Variants in PRIM1 observed in about 807,000 individuals in gnomAD.
The protein encoded by PRIM1 is DNA primase small subunit.
A neutral mutation model predicts 60.2 loss-of-function variants in PRIM1; 38 were observed. The observed-to-expected ratio is 0.63, with a 90% CI of 0.49 to 0.83. The LOEUF is 0.83. Among genes scored for constraint, PRIM1 ranks in the 40% least tolerant of loss-of-function variants. The pLI is 0.00. For missense variants in PRIM1, 388 were observed against 506.2 expected, an observed-to-expected ratio of 0.77 and a Z score of 2.24; for synonymous variants, 158 against 160.2, an observed-to-expected ratio of 0.99 and a Z score of 0.10.
At chr12:56,747,767 A>G (rs959421523) in intron 2 of PRIM1, among the ~76,000 whole-genome samples, 1 of 152,116 alleles carries the variant, frequency 6.6e-6, no homozygotes. Flanking sequence ...CTGAGAGGTT[A>G]ATTCCACCAT....
At chr12:56,732,751 A>T (rs1231780889) in intron 12 of PRIM1, among the ~76,000 whole-genome samples, 1 of 135,036 alleles carries the variant, frequency 7.4e-6, no homozygotes, top group Non-Finnish European at 1.6e-5. Context: ...AAGAATGAAC[A>T]ACCCTTGGCC....
chr12:56,739,414 T>C (rs988591315), intron 9 of PRIM1, 51 bp from the exon 10 acceptor site: 26 of 1,263,332 alleles, frequency 2.1e-5, no homozygotes, highest in Non-Finnish European at 2.6e-5. Context: ...TAAATCATTA[T>C]AGTCATCTCC....
Position 56,752,304 on chromosome 12 carries a change from G to C in PRIM1, c.-6C>G, listed in dbSNP as rs748274558. The C allele has an allele frequency of 1.3e-5, 20 of 1,561,724 alleles. No homozygotes were observed. Among genetic ancestry groups the C allele is most frequent in the Non-Finnish European group, 1.7e-5 (20 of 1,150,204 alleles). On this transcript the variant is annotated 5_prime_UTR_variant, in exon 1 of 13. Coordinates refer to ENST00000338193, the MANE Select transcript of PRIM1 (RefSeq NM_000946.3). The stretch of plus-strand genomic sequence containing the variant: ...GTGGGGTCAAACGTCTCCATTGAGC[G>C]CGGAACTCGCCACGGTAAGGATTAC...
intron 11 of PRIM1, among the ~76,000 whole-genome samples, chr12:56,735,931 A>G (rs1433983426): frequency 6.6e-6 from 1 of 152,020 alleles, no homozygotes; most frequent in Non-Finnish European, 1.5e-5. Flanking sequence ...GCCTACAGGC[A>G]TCAGCCACTA....
intron 11 of PRIM1, 109 bp downstream of exon 11, chr12:56,738,325 C>A (rs930965641): frequency 3.5e-6 from 5 of 1,415,272 alleles, no homozygotes; most frequent in Non-Finnish European, 4.7e-6. Flanking sequence ...AGTTCCAGGA[C>A]AAATGCTGAT....
chr12:56,731,773 G>A, intron 12 of PRIM1, 39 bp from the exon 13 acceptor site: 2 of 1,431,598 alleles, frequency 1.4e-6, no homozygotes, highest in Non-Finnish European at 1.9e-6. Context: ...AACAGCAAAG[G>A]AAACAAAACA....
chr12:56,742,500 C>G (rs899807255), intron 7 of PRIM1, among the ~76,000 whole-genome samples: 1 of 151,632 alleles, frequency 6.6e-6, no homozygotes, highest in African/African-American at 2.4e-5. Flanking sequence ...ACCCGGGAGG[C>G]GGAGGTTGCA....
chr12:56,731,917 G>A (rs1953787876), intron 12 of PRIM1, among the ~76,000 whole-genome samples, 183 bp from the exon 13 acceptor site: 1 of 152,182 alleles, frequency 6.6e-6, no homozygotes, highest in South Asian at 2.1e-4. Context: ...GGATACAAAG[G>A]ACTTAATACG....
At chr12:56,749,101 C>T (rs570876052) in intron 2 of PRIM1, among the ~76,000 whole-genome samples, 2 of 152,206 alleles carry the variant, frequency 1.3e-5, no homozygotes, top group African/African-American at 2.4e-5. Context: ...CTCCACCTAC[C>T]GGGTTCAAGC....
chr12:56,746,706 A>G (rs1483124280), intron 4 of PRIM1, 75 bp downstream of exon 4: 1 of 1,241,508 alleles, frequency 8.1e-7, no homozygotes, highest in Non-Finnish European at 1.2e-6. Context: ...CAAAATACAG[A>G]GACTAATAGT....
chr12:56,737,864 A>G (rs1435691437), intron 11 of PRIM1, among the ~76,000 whole-genome samples: 2 of 152,130 alleles, frequency 1.3e-5, no homozygotes, highest in African/African-American at 4.8e-5. Flanking sequence ...AGCTGGGATT[A>G]CAGGTGCCCT....
chr12:56,737,022 C>T (rs563895313), intron 11 of PRIM1, among the ~76,000 whole-genome samples: 4 of 152,068 alleles, frequency 2.6e-5, no homozygotes, highest in South Asian at 2.1e-4. Context: ...CTAGGCTCCT[C>T]TTGCCTCGGC....
At chr12:56,746,239 T>C (rs1394424301) in intron 4 of PRIM1, 58 bp from the exon 5 acceptor site, 2 of 1,527,242 alleles carry the variant, frequency 1.3e-6, no homozygotes, top group South Asian at 1.2e-5. Flanking sequence ...TTAATTAATG[T>C]ATATTAAATT....
At chr12:56,739,471 G>T in intron 9 of PRIM1, 108 bp from the exon 10 acceptor site, 2 of 611,112 alleles carry the variant, frequency 3.3e-6, no homozygotes, top group Non-Finnish European at 5.3e-6. Context: ...TTAGACAAAG[G>T]GTTAAACTTA....
chr12:56,751,992 T>TA (rs1423902900), intron 1 of PRIM1, among the ~76,000 whole-genome samples: 1 of 111,032 alleles, frequency 9.0e-6, no homozygotes, highest in African/African-American at 3.6e-5. Context: ...TTTTTTTTTT[T>TA]ACAGCGTGGC....
intron 6 of PRIM1, among the ~76,000 whole-genome samples, chr12:56,743,314 G>A (rs1208061423): frequency 1.3e-5 from 2 of 152,254 alleles, no homozygotes; most frequent in East Asian, 1.9e-4. Context: ...CACAGAATGG[G>A]TATACAAGAA....
At chr12:56,747,106 T>C (rs1953913936) in intron 2 of PRIM1, 74 bp from the exon 3 acceptor site, 1 of 1,231,400 alleles carries the variant, frequency 8.1e-7, no homozygotes. Context: ...TCTACACATA[T>C]GGAAAAAGTT....
chr12:56,739,747 C>A (rs753712638), intron 9 of PRIM1, among the ~76,000 whole-genome samples: 1 of 152,120 alleles, frequency 6.6e-6, no homozygotes, highest in Admixed American at 6.6e-5. Flanking sequence ...CACTATGTTG[C>A]CCAGAACTCC....
intron 11 of PRIM1, among the ~76,000 whole-genome samples, chr12:56,734,675 CT>C (rs1196462298): frequency 6.6e-6 from 1 of 150,806 alleles, no homozygotes; most frequent in Non-Finnish European, 1.5e-5. Context: ...TCTGAAAGTG[CT>C]GGGATTACAG....
Sources: gnomAD v4.1 joint callset for allele counts (sites outside exome capture counted in the v4.1 genomes callset) on GRCh38, gnomAD v4.1.1 for gene constraint, MANE v1.5 for transcripts, NCBI Gene and HGNC (gene_info 2026-07-23, HGNC 2026-07-21) for gene names.